The following ZDHHC13 variants were observed in gnomAD, a reference collection of about 807,000 sequenced individuals.
The protein encoded by ZDHHC13 is zDHHC palmitoyltransferase 13.
ZDHHC13 carries 85 observed loss-of-function variants against 86.0 expected under a neutral mutation model. The ratio of observed to expected loss-of-function variants is 0.99; its 90% confidence interval spans 0.83 to 1.18. The LOEUF (loss-of-function observed/expected upper bound fraction) is 1.18, where lower values mean the gene tolerates loss of function less well. ZDHHC13 is among the 50% of genes most tolerant of loss of function. The pLI, the probability that ZDHHC13 is intolerant of heterozygous loss-of-function variation, is 0.00. For synonymous variants in ZDHHC13, 263 were observed against 246.4 expected, an observed-to-expected ratio of 1.07 and a Z score of -0.63; for missense variants, 711 against 730.2, an observed-to-expected ratio of 0.97 and a Z score of 0.30.
chr11:19,138,275 C>G (rs867730884), intron 1 of ZDHHC13, among the ~76,000 whole-genome samples: 126 of 151,964 alleles, frequency 8.3e-4, no homozygotes, highest in Non-Finnish European at 1.2e-3. Flanking sequence ...TCAGAGAATA[C>G]TACAAACACC....
At position 19,175,835 on chromosome 11, in the gene ZDHHC13, C is replaced by T. The variant is rs376769858; in HGVS notation, c.1744C>T (p.Gln582Ter). The T allele has an allele frequency of 1.9e-6, 3 of 1,611,970 alleles. No individual in the cohort carries two copies. Among genetic ancestry groups the T allele is most frequent in the Non-Finnish European group, 2.5e-6 (3 of 1,179,414 alleles). ...RKTPYNLGFM[Q>*]NLADFFQCGC... Reference sequence around the variant, plus strand: ...TTTTCTTGGCAGTCTTGGATTCATGCAGAACCTGGCAGATTTCTTTCAGTG... The same window carrying T: ...TTTTCTTGGCAGTCTTGGATTCATGTAGAACCTGGCAGATTTCTTTCAGTG... The change falls in exon 17 of 17, where the codon CAG becomes TAG. Residue 582 changes from glutamine to a stop codon, truncating the protein, a stop_gained. Transcript: ENST00000446113. LOFTEE classifies it high-confidence loss of function.
chr11:19,124,303 G>T (rs920976064), intron 1 of ZDHHC13, among the ~76,000 whole-genome samples: 2 of 151,918 alleles, frequency 1.3e-5, no homozygotes, highest in African/African-American at 4.8e-5. Context: ...TAAAAATGTG[G>T]ATGTATGTAT....
chr11:19,158,356 C>T (rs971644867), intron 9 of ZDHHC13, among the ~76,000 whole-genome samples: 1 of 152,062 alleles, frequency 6.6e-6, no homozygotes, highest in Non-Finnish European at 1.5e-5. Context: ...AACCTCAAAT[C>T]GCCTGTGACC....
chr11:19,133,100 T>C (rs1273163519), intron 1 of ZDHHC13, among the ~76,000 whole-genome samples: 1 of 152,048 alleles, frequency 6.6e-6, no homozygotes, highest in African/African-American at 2.4e-5. Context: ...CCAGTAAACA[T>C]GAAGAAATAC....
chr11:19,159,233 G>A (rs1448847695), intron 10 of ZDHHC13, among the ~76,000 whole-genome samples, 193 bp downstream of exon 10: 3 of 152,034 alleles, frequency 2.0e-5, no homozygotes, highest in African/African-American at 7.2e-5. Flanking sequence ...AGTACATTAT[G>A]GAAACAGTAA....
intron 14 of ZDHHC13, chr11:19,169,532 A>G (rs985926344): frequency 2.2e-5 from 22 of 985,350 alleles, no homozygotes; most frequent in Non-Finnish European, 2.5e-5. Context: ...AATGTCCAAA[A>G]CTGTTTATCA....
chr11:19,141,274 G>A (rs1439041930), intron 1 of ZDHHC13, among the ~76,000 whole-genome samples: 2 of 152,060 alleles, frequency 1.3e-5, no homozygotes, highest in African/African-American at 2.4e-5. Context: ...ACTGTGATTA[G>A]GGTCACACTG....
chr11:19,130,966 C>T (rs1177573798), intron 1 of ZDHHC13, among the ~76,000 whole-genome samples: 1 of 152,032 alleles, frequency 6.6e-6, no homozygotes, highest in African/African-American at 2.4e-5. Flanking sequence ...CTGCCTCAGC[C>T]TCCCTAGTAG....
chr11:19,164,269 TGTG>T (rs1226422150), intron 11 of ZDHHC13, 29 bp from the exon 12 acceptor site: 1 of 1,608,504 alleles, frequency 6.2e-7, no homozygotes, highest in Non-Finnish European at 8.5e-7. Flanking sequence ...TCCAATAAAA[TGTG>T]GTAATAGGTC....
In ZDHHC13 at chr11:19,164,451, A is replaced by G. The variant is rs150916654; in HGVS notation, c.1296+88A>G. 2.3e-5 allele frequency: 28 copies of G among 1,243,282 alleles called. 1 individual carries two copies. The African/African-American group carries it at 2.5e-4, about 11-fold the overall frequency. 77.0% of individuals were successfully genotyped at this position (1,243,282 alleles called of 1,614,324 possible). ...TAAGCATTTGTCAGATCTTCATGGT[A>G]TATTTATACACCTTTGTTTTTACCC... is the stretch of plus-strand genomic sequence containing the variant. On this transcript the variant is annotated intron_variant, in intron 12 of 16. Transcript: ENST00000446113.
intron 1 of ZDHHC13, among the ~76,000 whole-genome samples, chr11:19,133,859 T>C (rs1304368273): frequency 6.7e-6 from 1 of 149,104 alleles, no homozygotes; most frequent in Non-Finnish European, 1.5e-5. Flanking sequence ...TATCTTGACT[T>C]AGGTAGTGGT....
rs1546328 is a variant in ZDHHC13, at chr11:19,117,643, T to A, written c.27+367T>A. On this transcript the variant is annotated intron_variant, in intron 1 of 16. Coordinates refer to ENST00000446113, the MANE Select transcript of ZDHHC13 (RefSeq NM_019028.3). The surrounding 1 kb of genome is among the most constrained non-coding windows in gnomAD (Gnocchi z 4.2). ...GACACACCTGATTCGGACCCGCCCG[T>A]CTTGACGTTGGCCCGGAGTCGGAGC... The A allele has an allele frequency of 0.76, 200,399 of 264,128 alleles. 76,821 individuals carry two copies. The highest frequency in any genetic ancestry group is 0.8 in the Non-Finnish European group (112,680 of 140,688). 16.4% of individuals were successfully genotyped at this position (264,128 alleles called of 1,614,324 possible).
intron 1 of ZDHHC13, among the ~76,000 whole-genome samples, chr11:19,122,572 CTGTT>C (rs141990021): frequency 0.043 from 6,579 of 152,146 alleles, 253 homozygotes; most frequent in East Asian, 0.21. Flanking sequence ...TGTCAACTCT[CTGTT>C]TGTGGAAGCT....
Position 19,166,299 on chromosome 11 carries a change from G to A in ZDHHC13, c.1391-3G>A, listed in dbSNP as rs1850065546. On this transcript the variant is annotated splice_polypyrimidine_tract_variant and splice_region_variant and intron_variant, in intron 13 of 16. Transcript: ENST00000446113. ...AAGTATGTTTTTTTTCTTTTTTCTT[G>A]AGGTTTTGGCAACCATCACTATTAC... 9 of 1,601,438 alleles carry A rather than the reference G, an allele frequency of 5.6e-6. No individual in the cohort carries two copies. In the East Asian group the frequency reaches 2.0e-4, roughly 36 times the overall value.
At chr11:19,131,646 T>C (rs959710688) in intron 1 of ZDHHC13, among the ~76,000 whole-genome samples, 2 of 152,106 alleles carry the variant, frequency 1.3e-5, no homozygotes, top group African/African-American at 2.4e-5. Context: ...TTTTTTTTTT[T>C]TCTCTTTTGA....
Position 19,165,160 on chromosome 11 carries a change from T to A in ZDHHC13, c.1390+15T>A, listed in dbSNP as rs1333404629. The A allele has an allele frequency of 1.9e-6, 3 of 1,603,010 alleles. No homozygotes were observed. Among genetic ancestry groups the A allele is most frequent in the Non-Finnish European group, 2.6e-6 (3 of 1,174,354 alleles). On this transcript the variant is annotated intron_variant, in intron 13 of 16. Transcript: ENST00000446113. ...ACGGTGCATAGGTGAGAGATTTAATTTTTCAATTACTACTGTGAAGTTAAG... is the reference window on the plus strand; with the variant it reads ...ACGGTGCATAGGTGAGAGATTTAATATTTCAATTACTACTGTGAAGTTAAG...
intron 10 of ZDHHC13, among the ~76,000 whole-genome samples, chr11:19,162,992 G>C (rs1053698845): frequency 6.6e-6 from 1 of 152,124 alleles, no homozygotes; most frequent in African/African-American, 2.4e-5. Flanking sequence ...GCTCACAGGA[G>C]AGCCACAATT....
intron 10 of ZDHHC13, among the ~76,000 whole-genome samples, chr11:19,161,542 T>C (rs2133454338): frequency 6.6e-6 from 1 of 152,060 alleles, no homozygotes; most frequent in South Asian, 2.1e-4. Context: ...GATCAGTTTC[T>C]TTTGGTACCT....
At position 19,136,241 on chromosome 11, in the gene ZDHHC13, G is replaced by A. The variant is rs190131317; in HGVS notation, c.28-6737G>A. Among the ~76,000 whole-genome samples, 308 of 152,322 alleles carry A rather than the reference G, an allele frequency of 2.0e-3. 1 individual carries two copies. Among genetic ancestry groups the A allele is most frequent in the Admixed American group, 4.6e-3 (71 of 15,306 alleles). On this transcript the variant is annotated intron_variant, in intron 1 of 16. Coordinates refer to ENST00000446113, the MANE Select transcript of ZDHHC13 (RefSeq NM_019028.3). ...AGGAGTGCTTAAAGGAGCTGATGGA[G>A]CTGAAAACCAAGGCTCGAGAACTAC...
Sources: gnomAD v4.1 joint callset for allele counts (sites outside exome capture counted in the v4.1 genomes callset) on GRCh38, gnomAD v4.1.1 for gene constraint, Gnocchi (gnomAD v3.1) non-coding constraint, MANE v1.5 for transcripts, NCBI Gene and HGNC (gene_info 2026-07-23, HGNC 2026-07-21) for gene names.